Variants in PHACTR2 observed in about 807,000 individuals in gnomAD.
The protein encoded by PHACTR2 is phosphatase and actin regulator 2, also known as chromosome 6 open reading frame 56.
In PHACTR2, 30 loss-of-function variants were observed where a neutral mutation model predicts 76.0. The ratio of observed to expected loss-of-function variants is 0.39; its 90% CI spans 0.30 to 0.54. The LOEUF is 0.54. PHACTR2 is among the 20% of genes least tolerant of loss of function. The pLI is 0.61. For missense variants in PHACTR2, 696 were observed against 781.1 expected (o/e 0.89, Z 1.30); for synonymous variants, 292 against 292.5 (o/e 1.00, Z 0.02).
rs73577989 is a variant in PHACTR2, at chr6:143,708,948, T to C, written c.47-3068T>C. 6.6e-6 allele frequency among the ~76,000 whole-genome samples: 1 copy of C among 152,154 alleles called. No individual in the cohort carries two copies. The highest frequency in any genetic ancestry group is 1.5e-5 in the Non-Finnish European group (1 of 68,026). ...TGTAGCCACAGAGATGAATTTGAGA[T>C]GGAAACTTTTGTTTCTATGTTCATA... On this transcript the variant is annotated intron_variant, in intron 1 of 12. Transcript: ENST00000440869. The surrounding 1 kb of genome is among the most constrained non-coding windows in gnomAD (Gnocchi z 5.5).
rs559471720 is a variant in PHACTR2, at chr6:143,591,158, C to T, written c.217+53951C>T. Among the ~76,000 whole-genome samples the T allele has an allele frequency of 3.2e-4, 49 of 152,168 alleles. No homozygotes were observed. Among genetic ancestry groups the T allele is most frequent in the Non-Finnish European group, 5.6e-4 (38 of 68,034 alleles). The stretch of plus-strand genomic sequence containing the variant: ...CTTCCTTTTGCCCCATCAGCCAAGA[C>T]ATTCCACGTTCATTTGCTTGGGAAT... On this transcript the variant is annotated intron_variant, in intron 1 of 11. Coordinates refer to the PHACTR2 transcript ENST00000367584. This position sits in a 1 kb window ranked among gnomAD's most constrained non-coding sequence, Gnocchi z 6.4.
rs1451813015 is a variant in PHACTR2, at chr6:143,829,958, A to G, written c.*6269A>G. ...TTTATGGTATATGAAAATGCCAGTA[A>G]TATTTGTGCCACTTGCCAACTCGGG... On this transcript the variant is annotated 3_prime_UTR_variant, in exon 13 of 13. Transcript: ENST00000440869. 1 of 152,124 alleles carries G rather than the reference A, an allele frequency of 6.6e-6. No homozygotes were observed. The highest frequency in any genetic ancestry group is 1.5e-5 in the Non-Finnish European group (1 of 68,012). 9.4% of individuals were successfully genotyped at this position (152,124 alleles called of 1,614,324 possible). A position where few individuals can be genotyped will look rare whatever the true frequency, so the allele number is the denominator to read the frequency against.
intron 2 of PHACTR2, among the ~76,000 whole-genome samples, chr6:143,716,848 G>T (rs1296869054): frequency 6.6e-6 from 1 of 152,222 alleles, no homozygotes; most frequent in East Asian, 1.9e-4. Flanking sequence ...GCAGGGAGAG[G>T]AGGGCTTGCT....
chr6:143,586,229 G>C (rs1049608088), intron 1 of PHACTR2, among the ~76,000 whole-genome samples: 1 of 152,200 alleles, frequency 6.6e-6, no homozygotes, highest in Non-Finnish European at 1.5e-5. Flanking sequence ...GAAGGAGAGA[G>C]AGGGTTGTAA....
rs1021163534 is a variant in PHACTR2, at chr6:143,830,933, A to T, written c.*7244A>T. 1 of 152,216 alleles carries T rather than the reference A, an allele frequency of 6.6e-6. No individual in the cohort carries two copies. Among genetic ancestry groups the T allele is most frequent in the African/African-American group, 2.4e-5 (1 of 41,470 alleles). 9.4% of individuals were successfully genotyped at this position (152,216 alleles called of 1,614,324 possible). On this transcript the variant is annotated 3_prime_UTR_variant, in exon 13 of 13. Transcript: ENST00000440869. ...AACTTCCCTAATTGCCTGTTATTTC[A>T]GCTTCACCTAAGTTTTTAACACCTC... is the stretch of plus-strand genomic sequence containing the variant.
intron 1 of PHACTR2, among the ~76,000 whole-genome samples, chr6:143,628,708 AG>A (rs2128441516): frequency 6.6e-6 from 1 of 151,996 alleles, no homozygotes; most frequent in African/African-American, 2.4e-5. Context: ...TACCATTTAT[AG>A]GCTCTAGGGA....
At position 143,583,749 on chromosome 6, in the gene PHACTR2, A is replaced by G. The variant is rs1775598023; in HGVS notation, c.217+46542A>G. On this transcript the variant is annotated intron_variant, in intron 1 of 11. Coordinates refer to the PHACTR2 transcript ENST00000367584. The surrounding 1 kb of genome is among the most constrained non-coding windows in gnomAD (Gnocchi z 4.0). Reference sequence around the variant, plus strand: ...TTGCTCACTACATGCTAGATGCCAGACTATCATTTGTTGATTGGTTGATTC... The same window carrying G: ...TTGCTCACTACATGCTAGATGCCAGGCTATCATTTGTTGATTGGTTGATTC... Among the ~76,000 whole-genome samples the G allele has an allele frequency of 6.6e-6, 1 of 152,344 alleles. No homozygotes were observed. Among genetic ancestry groups the G allele is most frequent in the East Asian group, 1.9e-4 (1 of 5,190 alleles).
rs1208326054 is a variant in PHACTR2 at position 143,625,103 on chromosome 6, C to A, written c.13+16781C>A. Reference sequence around the variant, plus strand: ...CCCGGGAGATGGAGGTTGCAGTAAGCCAAGATTGCACCACTACACTCCAAC... The same window carrying A: ...CCCGGGAGATGGAGGTTGCAGTAAGACAAGATTGCACCACTACACTCCAAC... On this transcript the variant is annotated intron_variant, in intron 1 of 11. Transcript: ENST00000305766. This position sits in a 1 kb window ranked among gnomAD's most constrained non-coding sequence, Gnocchi z 4.3. Among the ~76,000 whole-genome samples, 1 of 151,678 alleles carries A rather than the reference C, an allele frequency of 6.6e-6. No individual in the cohort carries two copies. Among genetic ancestry groups the A allele is most frequent in the African/African-American group, 2.4e-5 (1 of 41,234 alleles).
chr6:143,578,579 T>A lies in PHACTR2; in HGVS notation c.217+41372T>A, dbSNP rs1284709631. Among the ~76,000 whole-genome samples, 1 of 152,020 alleles carries A rather than the reference T, an allele frequency of 6.6e-6. No homozygotes were observed. The highest frequency in any genetic ancestry group is 1.9e-4 in the East Asian group (1 of 5,164). ...CAAGAAAAGGAGGAAAAGGACCTTT[T>A]AAAAAAATTTGCTGTTGACTTGGAT... On this transcript the variant is annotated intron_variant, in intron 1 of 11. Transcript: ENST00000367584. The surrounding 1 kb of genome is among the most constrained non-coding windows in gnomAD (Gnocchi z 4.5).
chr6:143,636,754 T>G (rs1172126287), intron 1 of PHACTR2, among the ~76,000 whole-genome samples: 4 of 152,236 alleles, frequency 2.6e-5, no homozygotes, highest in African/African-American at 9.6e-5. Context: ...ATATTATTGT[T>G]TTCATTATGA....
chr6:143,711,180 A>G (rs2488101), intron 1 of PHACTR2: 242,673 of 365,526 alleles, frequency 0.66, 81,642 homozygotes, highest in African/African-American at 0.81. Flanking sequence ...CCTCCAAGAA[A>G]AAACTACTGT....
chr6:143,597,939 C>T lies in PHACTR2; in HGVS notation c.217+60732C>T, dbSNP rs578241143. 2.5e-3 allele frequency among the ~76,000 whole-genome samples: 386 copies of T among 152,260 alleles called. 1 individual carries two copies. The highest frequency in any genetic ancestry group is 4.3e-3 in the African/African-American group (179 of 41,538). ...CATATTTTCTACCTGTTACTCAGCACGCAAGACTTCAGGTGCACCTACGGA... is the reference window on the plus strand; with the variant it reads ...CATATTTTCTACCTGTTACTCAGCATGCAAGACTTCAGGTGCACCTACGGA... On this transcript the variant is annotated intron_variant, in intron 1 of 11. Coordinates refer to the PHACTR2 transcript ENST00000367584. This position sits in a 1 kb window ranked among gnomAD's most constrained non-coding sequence, Gnocchi z 5.7.
intron 1 of PHACTR2, among the ~76,000 whole-genome samples, chr6:143,669,627 T>G (rs920031605): frequency 6.6e-6 from 1 of 152,232 alleles, no homozygotes; most frequent in Non-Finnish European, 1.5e-5. Context: ...CATTATGTAA[T>G]GGCCTTCTTT....
rs964175163 is a variant in PHACTR2, at chr6:143,543,592, G to A, written c.217+6385G>A. On this transcript the variant is annotated intron_variant, in intron 1 of 11. Transcript: ENST00000367584. The surrounding 1 kb of genome is among the most constrained non-coding windows in gnomAD (Gnocchi z 4.7). ...CTGGGCTATCTCTATGCAAAAGGAG[G>A]AACTGAAAGATGGAGTTGGGTTGGG... Among the ~76,000 whole-genome samples the A allele has an allele frequency of 6.6e-6, 1 of 152,206 alleles. No homozygotes were observed. The highest frequency in any genetic ancestry group is 1.5e-5 in the Non-Finnish European group (1 of 68,040).
At chr6:143,797,563 T>C (rs987168853) in intron 11 of PHACTR2, among the ~76,000 whole-genome samples, 1 of 152,224 alleles carries the variant, frequency 6.6e-6, no homozygotes, top group African/African-American at 2.4e-5. Context: ...ATTTAAGTCT[T>C]TGATCCATCT....
chr6:143,640,252 C>T (rs765197407), intron 1 of PHACTR2, among the ~76,000 whole-genome samples: 3 of 152,204 alleles, frequency 2.0e-5, no homozygotes, highest in African/African-American at 4.8e-5. Context: ...TACTTTTAAT[C>T]ACCATTTTAG....
chr6:143,613,040 A>G (rs908872920), intron 1 of PHACTR2, among the ~76,000 whole-genome samples: 4 of 152,188 alleles, frequency 2.6e-5, no homozygotes, highest in Non-Finnish European at 5.9e-5. Context: ...GCGGTGGCGC[A>G]ATCTCGGCTC....
intron 6 of PHACTR2, among the ~76,000 whole-genome samples, chr6:143,771,122 T>C (rs1407400631): frequency 7.9e-6 from 1 of 125,816 alleles, no homozygotes; most frequent in African/African-American, 2.9e-5. Context: ...AATTCATATA[T>C]GTACTTTACA....
At chr6:143,563,725 G>A (rs1348834490) in intron 1 of PHACTR2, among the ~76,000 whole-genome samples, 1 of 151,908 alleles carries the variant, frequency 6.6e-6, no homozygotes, top group African/African-American at 2.4e-5. Flanking sequence ...GCTGCGCACG[G>A]TGGCTCATGC....
Sources: gnomAD v4.1 joint callset for allele counts (sites outside exome capture counted in the v4.1 genomes callset) on GRCh38, gnomAD v4.1.1 for gene constraint, Gnocchi (gnomAD v3.1) non-coding constraint, MANE v1.5 for transcripts, NCBI Gene and HGNC (gene_info 2026-07-23, HGNC 2026-07-21) for gene names.